The following SHF variants were observed in gnomAD, a reference collection of about 807,000 sequenced individuals.
The protein encoded by SHF is SH2 domain-containing adapter protein F.
Under a neutral mutation model 42.4 loss-of-function variants are expected in SHF, and 30 were observed. The ratio of observed to expected loss-of-function variants is 0.71; its 90% CI spans 0.53 to 0.96. The LOEUF is 0.96. Among genes scored for constraint, SHF ranks in the 40% least tolerant of loss-of-function variants. The probability of loss-of-function intolerance (pLI) is 0.00; values close to 1 mark genes in which losing one functional copy is unlikely to be tolerated. For synonymous variants in SHF, 264 were observed against 269.9 expected (o/e 0.98, Z 0.21); for missense variants, 598 against 634.0 (o/e 0.94, Z 0.61).
At chr15:45,187,328 G>A in intron 1 of SHF, 126 bp downstream of exon 1, 1 of 950,116 alleles carries the variant, frequency 1.1e-6, no homozygotes, top group Non-Finnish European at 1.4e-6. Flanking sequence ...CCCGGGGTCA[G>A]GGGCTCGCGT....
At chr15:45,198,996 C>A in exon 2 of SHF, 2 of 1,612,028 alleles carry the variant, frequency 1.2e-6, no homozygotes, top group East Asian at 2.2e-5. Flanking sequence ...TTCCTATGCC[C>A]CGGAGACCCT....
intron 6 of SHF, chr15:45,171,509 GAC>G (rs967382052): frequency 1.9e-5 from 4 of 214,518 alleles, no homozygotes; most frequent in African/African-American, 6.8e-5. Flanking sequence ...CATTAATAAT[GAC>G]AGTGATAATT....
At chr15:45,187,283 G>C (rs1234753242) in intron 1 of SHF, among the ~76,000 whole-genome samples, 171 bp downstream of exon 1, 1 of 152,230 alleles carries the variant, frequency 6.6e-6, no homozygotes, top group Non-Finnish European at 1.5e-5. Context: ...TTAGTCGGTT[G>C]AGAATCTGAA....
chr15:45,196,306 C>G (rs1472279347), intron 2 of SHF, among the ~76,000 whole-genome samples: 1 of 152,144 alleles, frequency 6.6e-6, no homozygotes, highest in East Asian at 1.9e-4. Context: ...GTTGGCCAGG[C>G]TGGTCTCGAA....
intron 1 of SHF, 89 bp from the exon 2 acceptor site, chr15:45,178,395 T>A (rs1364089881): frequency 6.8e-7 from 1 of 1,473,976 alleles, no homozygotes; most frequent in Non-Finnish European, 9.1e-7. Context: ...GGAGCAAGAG[T>A]CCCAAGTAGG....
At chr15:45,199,179 C>T (rs1898981347) in intron 1 of SHF, 1 of 1,281,728 alleles carries the variant, frequency 7.8e-7, no homozygotes, top group Non-Finnish European at 1.0e-6. Flanking sequence ...ATGTTCCCAA[C>T]ACCCACTTCC....
At chr15:45,199,068 G>T in exon 2 of SHF, 1 of 1,587,554 alleles carries the variant, frequency 6.3e-7, no homozygotes, top group South Asian at 1.1e-5. Context: ...CCTCCCTCCT[G>T]CTGCATCCTC....
At chr15:45,199,312 A>T (rs1199981145) in intron 1 of SHF, among the ~76,000 whole-genome samples, 2 of 152,136 alleles carry the variant, frequency 1.3e-5, no homozygotes. Context: ...ACTAAGTCCG[A>T]TTTTAATTAT....
intron 6 of SHF, chr15:45,170,365 A>G (rs1338358677): frequency 3.9e-6 from 5 of 1,286,904 alleles, no homozygotes; most frequent in Non-Finnish European, 5.1e-6. Context: ...TGCTCCATGA[A>G]CTTTATAATT....
upstream of SHF, among the ~76,000 whole-genome samples, chr15:45,191,518 C>T (rs1310542220): frequency 2.6e-5 from 4 of 152,130 alleles, no homozygotes; most frequent in Non-Finnish European, 5.9e-5. Context: ...TTAAGCAGTT[C>T]GCCATAGTAT....
At chr15:45,178,139 G>C in intron 2 of SHF, 26 bp downstream of exon 2, 1 of 1,606,324 alleles carries the variant, frequency 6.2e-7, no homozygotes, top group Non-Finnish European at 8.5e-7. Context: ...GCCTCAGGGA[G>C]CACCTCCCCT....
At chr15:45,188,943 A>G (rs892748347), upstream of SHF, among the ~76,000 whole-genome samples, 1 of 152,216 alleles carries the variant, frequency 6.6e-6, no homozygotes, top group Non-Finnish European at 1.5e-5. Flanking sequence ...CTGTAATCCC[A>G]GCACTTTGGG....
At chr15:45,198,580 C>T (rs1898948103) in intron 2 of SHF, 9 of 582,306 alleles carry the variant, frequency 1.5e-5, no homozygotes, top group East Asian at 5.9e-5. Flanking sequence ...AATACCGAGC[C>T]CCTTGCCGTG....
chr15:45,196,266 G>C (rs1348265320), intron 2 of SHF, among the ~76,000 whole-genome samples: 1 of 152,076 alleles, frequency 6.6e-6, no homozygotes, highest in Non-Finnish European at 1.5e-5. Context: ...GCTAAGTTTT[G>C]TATTTTTAGT....
At chr15:45,198,989 C>T in exon 2 of SHF, 1 of 1,612,592 alleles carries the variant, frequency 6.2e-7, no homozygotes, top group Non-Finnish European at 8.5e-7. Context: ...TGCCCGTTTC[C>T]TATGCCCCGG....
intron 1 of SHF, among the ~76,000 whole-genome samples, chr15:45,179,527 G>C (rs759185916): frequency 1.3e-5 from 2 of 152,184 alleles, no homozygotes. Context: ...GCCATTCATC[G>C]CACAGTGAAC....
At position 45,167,564 on chromosome 15, in the gene SHF, G is replaced by A. The variant is rs1897290953; in HGVS notation, c.*383C>T. 6.2e-6 allele frequency: 1 copy of A among 161,620 alleles called. No homozygotes were observed. The highest frequency in any genetic ancestry group is 6.5e-5 in the Admixed American group (1 of 15,484). 10.0% of individuals were successfully genotyped at this position (161,620 alleles called of 1,614,324 possible). On this transcript the variant is annotated 3_prime_UTR_variant, in exon 7 of 7. Coordinates refer to ENST00000690270, the MANE Select transcript of SHF (RefSeq NM_001394037.1). ...CAGAGAGGTGGTAAGGCGCCCCAAG[G>A]GGCCGAATTCTGCACTACCTCGCAC...
intron 1 of SHF, 70 bp downstream of exon 1, chr15:45,187,384 G>C (rs1455621138): frequency 1.6e-6 from 2 of 1,223,972 alleles, no homozygotes; most frequent in Non-Finnish European, 2.0e-6. Context: ...GGCCACCTTT[G>C]TCCCTCTCGC....
intron 2 of SHF, among the ~76,000 whole-genome samples, chr15:45,177,852 C>T (rs141364666): frequency 2.4e-4 from 36 of 152,298 alleles, no homozygotes; most frequent in African/African-American, 7.5e-4. Context: ...ACTCATCCCC[C>T]CTCCCAAGGC....
Sources: allele counts gnomAD v4.1 joint callset (sites outside exome capture counted in the v4.1 genomes callset), GRCh38; gene constraint gnomAD v4.1.1; transcripts MANE v1.5; gene names NCBI Gene and HGNC (gene_info 2026-07-23, HGNC 2026-07-21).